PHLPP1: variants seen among roughly 807,000 people sequenced by gnomAD.
PHLPP1 encodes the protein PH domain and leucine rich repeat protein phosphatase 1, also known as PH domain leucine-rich repeat-containing protein phosphatase 1.
A neutral mutation model predicts 117.2 loss-of-function variants in PHLPP1; 42 were observed. The observed-to-expected ratio is 0.36, with a 90% CI of 0.28 to 0.46. The LOEUF is 0.46. PHLPP1 is among the 20% of genes least tolerant of loss of function. The pLI is 1.00. For missense variants in PHLPP1, 2,084 were observed against 2,241.9 expected (o/e 0.93, Z 1.42); for synonymous variants, 1,042 against 970.7 (o/e 1.07, Z -1.37).
chr18:62,875,606 A>G (rs889068814), intron 4 of PHLPP1, among the ~76,000 whole-genome samples: 1 of 152,048 alleles, frequency 6.6e-6, no homozygotes, highest in Non-Finnish European at 1.5e-5. Flanking sequence ...ATACTCCATA[A>G]ATGAACGCAC....
At chr18:62,729,153 A>G (rs998003120) in intron 1 of PHLPP1, among the ~76,000 whole-genome samples, 4 of 152,250 alleles carry the variant, frequency 2.6e-5, no homozygotes. Flanking sequence ...AACATCTGCC[A>G]TCTTTGGCAA....
At chr18:62,756,452 AT>A (rs1912022881) in intron 1 of PHLPP1, among the ~76,000 whole-genome samples, 1 of 152,212 alleles carries the variant, frequency 6.6e-6, no homozygotes, top group African/African-American at 2.4e-5. Context: ...TCAGGGGATT[AT>A]TATTTCACAA....
chr18:62,844,325 C>G (rs1915125858), intron 3 of PHLPP1, among the ~76,000 whole-genome samples: 1 of 151,974 alleles, frequency 6.6e-6, no homozygotes, highest in Non-Finnish European at 1.5e-5. Context: ...GGCGACAGAG[C>G]AAGATTTCAT....
In PHLPP1 at chr18:62,914,970, G is replaced by A; in HGVS notation, c.2766G>A (p.Leu922=). ...GTGAAAGCCGAAAGCTAGAAGTTTT[G>A]GATATTGGCCATAATCAAATATGTG... The part of the protein sequence containing the change: ...WVCESRKLEV[L]DIGHNQICEL... The change falls in exon 9 of 17, where the codon TTG becomes TTA. Residue 922 remains leucine, a synonymous_variant. Transcript: ENST00000262719. 1 of 1,613,628 alleles carries A rather than the reference G, an allele frequency of 6.2e-7. No homozygotes were observed. The highest frequency in any genetic ancestry group is 8.5e-7 in the Non-Finnish European group (1 of 1,179,698).
chr18:62,783,417 A>G (rs1913182925), intron 1 of PHLPP1, among the ~76,000 whole-genome samples: 1 of 151,854 alleles, frequency 6.6e-6, no homozygotes, highest in Non-Finnish European at 1.5e-5. Context: ...TTCAGTAGAG[A>G]CGGGGTTTCA....
intron 14 of PHLPP1, among the ~76,000 whole-genome samples, chr18:62,967,902 G>A (rs1910948929): frequency 6.6e-6 from 1 of 150,714 alleles, no homozygotes; most frequent in African/African-American, 2.4e-5. Flanking sequence ...TCGGTTCACC[G>A]CAACCTCCGC....
intron 12 of PHLPP1, among the ~76,000 whole-genome samples, chr18:62,952,642 T>A (rs1020400144): frequency 6.6e-5 from 10 of 152,146 alleles, no homozygotes; most frequent in Non-Finnish European, 1.3e-4. Context: ...ATGATTTTTT[T>A]AAAAAAGAGG....
chr18:62,749,406 A>G (rs1372703422), intron 1 of PHLPP1, among the ~76,000 whole-genome samples: 2 of 152,350 alleles, frequency 1.3e-5, no homozygotes, highest in East Asian at 3.9e-4. Context: ...TTGAGATAAC[A>G]TTTAACATTC....
At chr18:62,844,955 A>G (rs1915143873) in intron 3 of PHLPP1, among the ~76,000 whole-genome samples, 1 of 152,232 alleles carries the variant, frequency 6.6e-6, no homozygotes, top group South Asian at 2.1e-4. Context: ...CTGAATAGTA[A>G]CATGACTGAA....
At chr18:62,894,066 C>T (rs1370647747) in intron 4 of PHLPP1, among the ~76,000 whole-genome samples, 2 of 152,038 alleles carry the variant, frequency 1.3e-5, no homozygotes, top group Non-Finnish European at 2.9e-5. Flanking sequence ...ATGAAGATTA[C>T]TTCAATTTGG....
At chr18:62,849,836 T>TATAA (rs1915291201) in intron 3 of PHLPP1, among the ~76,000 whole-genome samples, 2 of 83,056 alleles carry the variant, frequency 2.4e-5, no homozygotes, top group African/African-American at 9.3e-5. Flanking sequence ...AAAAAAAATA[T>TATAA]ATATATCCTT....
chr18:62,876,397 T>G (rs1916050923), intron 4 of PHLPP1, among the ~76,000 whole-genome samples: 2 of 152,214 alleles, frequency 1.3e-5, no homozygotes, highest in Admixed American at 1.3e-4. Flanking sequence ...ATTTTTTCCT[T>G]GAAGCTTTTA....
intron 11 of PHLPP1, 115 bp from the exon 12 acceptor site, chr18:62,944,994 G>A (rs1426672648): frequency 1.3e-6 from 1 of 772,282 alleles, no homozygotes; most frequent in Non-Finnish European, 1.9e-6. Context: ...AAATGGTCTT[G>A]TTTGTAAAAA....
At chr18:62,886,455 A>T (rs1336702551) in intron 4 of PHLPP1, among the ~76,000 whole-genome samples, 1 of 152,044 alleles carries the variant, frequency 6.6e-6, no homozygotes, top group Non-Finnish European at 1.5e-5. Flanking sequence ...AATTTTTTTT[A>T]GTAGAGATGG....
At chr18:62,842,267 T>C (rs1355689102) in intron 3 of PHLPP1, among the ~76,000 whole-genome samples, 6 of 152,188 alleles carry the variant, frequency 3.9e-5, no homozygotes, top group Non-Finnish European at 8.8e-5. Flanking sequence ...TTAACAACCA[T>C]GGCAGCCTTT....
chr18:62,727,602 C>T (rs1205420742), intron 1 of PHLPP1, among the ~76,000 whole-genome samples: 2 of 141,830 alleles, frequency 1.4e-5, no homozygotes, highest in Non-Finnish European at 3.0e-5. Flanking sequence ...GGTGACAGAG[C>T]GAGACCCTGT....
chr18:62,904,203 G>C (rs1408783988), intron 7 of PHLPP1, among the ~76,000 whole-genome samples: 1 of 152,234 alleles, frequency 6.6e-6, no homozygotes, highest in African/African-American at 2.4e-5. Flanking sequence ...TGGGAATGAA[G>C]TAGGAAGAAA....
rs574836426 is a variant in PHLPP1, at chr18:62,979,792, G to A, written c.*361G>A. 24 of 195,606 alleles carry A rather than the reference G, an allele frequency of 1.2e-4. No homozygotes were observed. The highest frequency in any genetic ancestry group is 1.9e-4 in the Non-Finnish European group (18 of 96,716). 12.1% of individuals were successfully genotyped at this position (195,606 alleles called of 1,614,324 possible). A position where few individuals can be genotyped will look rare whatever the true frequency, so the allele number is the denominator to read the frequency against. On this transcript the variant is annotated 3_prime_UTR_variant, in exon 17 of 17. Coordinates refer to ENST00000262719, the MANE Select transcript of PHLPP1 (RefSeq NM_194449.4). ...TGTTTGGAAGGCAGGGCAGGCTGCC[G>A]TTGCTAAATGATTTAATAATATTGT...
At chr18:62,794,733 A>C (rs1675917171) in intron 1 of PHLPP1, among the ~76,000 whole-genome samples, 1 of 152,174 alleles carries the variant, frequency 6.6e-6, no homozygotes, top group African/African-American at 2.4e-5. Flanking sequence ...TTTTTTACAC[A>C]AATGACTCAG....
Sources: allele counts gnomAD v4.1 joint callset (sites outside exome capture counted in the v4.1 genomes callset), GRCh38; gene constraint gnomAD v4.1.1; transcripts MANE v1.5; gene names NCBI Gene and HGNC (gene_info 2026-07-23, HGNC 2026-07-21).